The following RBBP8 variants were observed in gnomAD, a reference collection of about 807,000 sequenced individuals.
The protein encoded by RBBP8 is RB binding protein 8, endonuclease, also known as DNA endonuclease RBBP8.
RBBP8 carries 88 observed loss-of-function variants against 108.3 expected under a neutral mutation model. The observed-to-expected ratio is 0.81, with a 90% confidence interval of 0.68 to 0.97. The LOEUF (loss-of-function observed/expected upper bound fraction) is 0.97. Among genes scored for constraint, RBBP8 ranks in the 50% least tolerant of loss-of-function variants. RBBP8 has a pLI of 0.00. For missense variants in RBBP8, 1,023 were observed against 1,049.0 expected (o/e 0.98, Z 0.34); for synonymous variants, 332 against 348.2 (o/e 0.95, Z 0.52).
At chr18:22,946,652 GT>G (rs150039516) in intron 3 of RBBP8, among the ~76,000 whole-genome samples, 166 bp downstream of exon 3, 6 of 147,962 alleles carry the variant, frequency 4.1e-5, no homozygotes, top group South Asian at 4.3e-4. Flanking sequence ...GTCAGCAGCA[GT>G]TTTTTTTTTC....
At chr18:22,963,767 A>G (rs781083172) in intron 4 of RBBP8, among the ~76,000 whole-genome samples, 16 of 152,212 alleles carry the variant, frequency 1.1e-4, no homozygotes, top group South Asian at 2.1e-4. Flanking sequence ...TCACACATAT[A>G]TAAAAGTAGA....
chr18:23,015,817 CTG>C (rs1464446006), intron 16 of RBBP8, among the ~76,000 whole-genome samples: 1 of 152,168 alleles, frequency 6.6e-6, no homozygotes, highest in East Asian at 1.9e-4. Flanking sequence ...CTCTATGTGT[CTG>C]TTTTTATGCC....
chr18:22,965,142 A>G (rs1913468185), intron 4 of RBBP8, among the ~76,000 whole-genome samples: 1 of 152,118 alleles, frequency 6.6e-6, no homozygotes, highest in Admixed American at 6.5e-5. Context: ...TGACTGTGAT[A>G]GCATTGGCAT....
Position 23,026,373 on chromosome 18 carries a change from G to A in RBBP8, c.*133G>A, listed in dbSNP as rs1408509590. On this transcript the variant is annotated 3_prime_UTR_variant, in exon 19 of 19. Coordinates refer to ENST00000327155, the MANE Select transcript of RBBP8 (RefSeq NM_002894.3). ...TATAAATCAGTTTTCTATTGAAAAT[G>A]TTTGTGATATTTTGCTTTTGCACCT... 1.1e-5 allele frequency: 10 copies of A among 871,702 alleles called. No homozygotes were observed. Among genetic ancestry groups the A allele is most frequent in the Admixed American group, 2.4e-5 (1 of 42,532 alleles). The allele number at this position is 871,702 out of a possible 1,614,324, so 54.0% of individuals were successfully genotyped here. A position where few individuals can be genotyped will look rare whatever the true frequency, so the allele number is the denominator to read the frequency against.
intron 4 of RBBP8, among the ~76,000 whole-genome samples, chr18:22,955,997 C>G (rs1357011857): frequency 6.6e-6 from 1 of 152,132 alleles, no homozygotes; most frequent in Non-Finnish European, 1.5e-5. Flanking sequence ...AAATGATCAT[C>G]TCAAAGTATT....
intron 15 of RBBP8, among the ~76,000 whole-genome samples, chr18:23,004,377 T>A (rs559200553): frequency 6.6e-6 from 1 of 152,178 alleles, no homozygotes; most frequent in African/African-American, 2.4e-5. Context: ...ATCGATGAGC[T>A]TGGAGAACAT....
At chr18:22,961,606 G>C (rs1913104488) in intron 4 of RBBP8, among the ~76,000 whole-genome samples, 1 of 152,340 alleles carries the variant, frequency 6.6e-6, no homozygotes, top group African/African-American at 2.4e-5. Context: ...GCCCAGGACA[G>C]CTTTGAATGC....
At chr18:23,013,490 C>T (rs1278819445) in intron 16 of RBBP8, among the ~76,000 whole-genome samples, 1 of 152,128 alleles carries the variant, frequency 6.6e-6, no homozygotes, top group African/African-American at 2.4e-5. Context: ...CCTCACACCC[C>T]AAGGTTTTAT....
intron 6 of RBBP8, among the ~76,000 whole-genome samples, chr18:22,979,445 G>A (rs1914741458): frequency 6.6e-6 from 1 of 152,108 alleles, no homozygotes. Flanking sequence ...AAATTAAAGT[G>A]TAAATCTTTT....
rs112222775 is a variant in RBBP8, at chr18:22,980,714, G to A, written c.429-1504G>A. Among the ~76,000 whole-genome samples the A allele has an allele frequency of 3.7e-5, 5 of 136,878 alleles. No homozygotes were observed. The East Asian group carries it at 1.0e-3, about 29-fold the overall frequency. The allele number at this position is 136,878 out of a possible 152,430, so 89.8% of individuals were successfully genotyped here. A position where few individuals can be genotyped will look rare whatever the true frequency, so the allele number is the denominator to read the frequency against. On this transcript the variant is annotated intron_variant, in intron 6 of 18. Transcript: ENST00000327155. ...TCCATATGACTTAAGTCTTTTTGGG[G>A]TTTTTTTTTTTTTTTTTGGAGACAG...
intron 1 of RBBP8, among the ~76,000 whole-genome samples, chr18:22,934,969 A>T (rs1910407609): frequency 6.8e-6 from 1 of 147,640 alleles, no homozygotes; most frequent in Non-Finnish European, 1.5e-5. Flanking sequence ...TTATATATTA[A>T]ATAATATATA....
chr18:23,006,549 T>A (rs1249580061), intron 16 of RBBP8, 117 bp downstream of exon 16: 1 of 888,466 alleles, frequency 1.1e-6, no homozygotes, highest in African/African-American at 1.7e-5. Context: ...TCACCCAGGC[T>A]AGAGTGCAAT....
At chr18:22,950,190 G>C in intron 4 of RBBP8, among the ~76,000 whole-genome samples, 1 of 152,092 alleles carries the variant, frequency 6.6e-6, no homozygotes. Context: ...CTCCTATGAG[G>C]TTAACACTGA....
intron 4 of RBBP8, among the ~76,000 whole-genome samples, chr18:22,963,152 T>C (rs1298240941): frequency 1.3e-5 from 2 of 152,218 alleles, no homozygotes; most frequent in African/African-American, 4.8e-5. Context: ...CATATTGTTT[T>C]GCTGTTTACT....
intron 4 of RBBP8, among the ~76,000 whole-genome samples, chr18:22,950,954 G>A (rs910066892): frequency 6.6e-6 from 1 of 152,200 alleles, no homozygotes; most frequent in Admixed American, 6.5e-5. Context: ...GAAGGGCTGG[G>A]TGATTTGAGT....
chr18:23,022,778 A>G (rs950443049), intron 18 of RBBP8, among the ~76,000 whole-genome samples: 3 of 151,724 alleles, frequency 2.0e-5, no homozygotes, highest in African/African-American at 7.3e-5. Flanking sequence ...ATTCCTAAAG[A>G]TAAAAGGACT....
chr18:22,988,985 A>G (rs1023743551), intron 8 of RBBP8, among the ~76,000 whole-genome samples: 16 of 152,180 alleles, frequency 1.1e-4, no homozygotes, highest in Non-Finnish European at 2.1e-4. Context: ...CATTCAGTTC[A>G]TTTAGGAAAA....
chr18:23,022,366 C>T, intron 18 of RBBP8, 96 bp downstream of exon 18: 1 of 1,220,026 alleles, frequency 8.2e-7, no homozygotes, highest in Non-Finnish European at 1.1e-6. Flanking sequence ...TTTGAGAGGC[C>T]AAGGTGGGTG....
At chr18:23,001,169 C>T (rs1454110479) in intron 14 of RBBP8, among the ~76,000 whole-genome samples, 3 of 152,218 alleles carry the variant, frequency 2.0e-5, no homozygotes, top group Non-Finnish European at 4.4e-5. Context: ...ACACTCTTAA[C>T]AAGACAGCTT....
Sources: allele counts gnomAD v4.1 joint callset (sites outside exome capture counted in the v4.1 genomes callset), GRCh38; gene constraint gnomAD v4.1.1; transcripts MANE v1.5; gene names NCBI Gene and HGNC (gene_info 2026-07-23, HGNC 2026-07-21).